SLA: variants seen among roughly 807,000 people sequenced by gnomAD.
SLA encodes Src like adaptor.
SLA carries 16 observed loss-of-function variants against 30.3 expected under a neutral mutation model. The ratio of observed to expected loss-of-function variants is 0.53; its 90% CI spans 0.36 to 0.80. The LOEUF (loss-of-function observed/expected upper bound fraction) is 0.80, where lower values mean the gene tolerates loss of function less well. SLA is among the 30% of genes least tolerant of loss of function. SLA has a pLI of 0.01. For missense variants in SLA, 310 were observed against 345.2 expected (o/e 0.90, Z 0.81); for synonymous variants, 143 against 137.8 (o/e 1.04, Z -0.26).
intron 5 of SLA, among the ~76,000 whole-genome samples, chr8:133,048,240 A>G (rs1459265654): frequency 1.3e-5 from 2 of 151,912 alleles, no homozygotes; most frequent in Non-Finnish European, 2.9e-5. Context: ...TTTTTTTTGG[A>G]AATGGATCCC....
chr8:133,096,607 A>G (rs1848453595), intron 1 of SLA, among the ~76,000 whole-genome samples: 1 of 152,190 alleles, frequency 6.6e-6, no homozygotes, highest in African/African-American at 2.4e-5. Context: ...GCTGTGGAAA[A>G]CTGGAGCTGA....
chr8:133,056,215 C>T (rs907318615), intron 3 of SLA, among the ~76,000 whole-genome samples: 2 of 152,130 alleles, frequency 1.3e-5, no homozygotes, highest in Admixed American at 6.5e-5. Context: ...AATGTGACAT[C>T]GTGGATTTCT....
chr8:133,056,087 G>A (rs970577789), intron 3 of SLA, among the ~76,000 whole-genome samples: 1 of 152,200 alleles, frequency 6.6e-6, no homozygotes, highest in African/African-American at 2.4e-5. Flanking sequence ...GGGCAGGGCA[G>A]GGCATGGCTG....
intron 2 of SLA, among the ~76,000 whole-genome samples, chr8:133,065,215 C>T (rs991249863): frequency 1.3e-5 from 2 of 152,198 alleles, no homozygotes; most frequent in African/African-American, 4.8e-5. Flanking sequence ...CATCCTCTGC[C>T]AGGCACAAAG....
At chr8:133,090,053 A>G (rs557563243) in intron 1 of SLA, 3 of 152,214 alleles carry the variant, frequency 2.0e-5, no homozygotes, top group Non-Finnish European at 4.4e-5. Context: ...TATAGTACAC[A>G]TTTTTAAAAA....
intron 2 of SLA, among the ~76,000 whole-genome samples, chr8:133,068,370 G>A (rs1348462209): frequency 6.6e-6 from 1 of 152,154 alleles, no homozygotes; most frequent in East Asian, 1.9e-4. Flanking sequence ...AGAGAGGCTG[G>A]GCTTTATGCT....
intron 8 of SLA, 76 bp from the exon 9 acceptor site, chr8:133,038,813 G>A: frequency 1.1e-6 from 1 of 913,290 alleles, no homozygotes. Context: ...TAAAGGGCAA[G>A]AGAATGAGAA....
At chr8:133,083,318 A>T (rs1846026770) in intron 1 of SLA, among the ~76,000 whole-genome samples, 1 of 152,228 alleles carries the variant, frequency 6.6e-6, no homozygotes, top group Admixed American at 6.5e-5. Context: ...ATTGATTTTA[A>T]CAATTGCTAC....
At chr8:133,038,980 C>A (rs376939845) in intron 8 of SLA, among the ~76,000 whole-genome samples, 2 of 152,156 alleles carry the variant, frequency 1.3e-5, no homozygotes, top group African/African-American at 4.8e-5. Context: ...CAGGCTCAAG[C>A]GATTCTCCCT....
chr8:133,043,188 T>C (rs1302850140), intron 7 of SLA, among the ~76,000 whole-genome samples: 1 of 152,170 alleles, frequency 6.6e-6, no homozygotes, highest in Non-Finnish European at 1.5e-5. Context: ...AGTGCTGCAC[T>C]GGGGTGAGAT....
At chr8:133,069,073 C>G (rs1411953500) in intron 2 of SLA, among the ~76,000 whole-genome samples, 1 of 152,186 alleles carries the variant, frequency 6.6e-6, no homozygotes, top group Non-Finnish European at 1.5e-5. Flanking sequence ...AGGAAACAGG[C>G]CTTTTCTTTT....
intron 2 of SLA, among the ~76,000 whole-genome samples, chr8:133,070,798 C>G (rs943241376): frequency 3.9e-5 from 6 of 152,212 alleles, no homozygotes; most frequent in Non-Finnish European, 7.3e-5. Flanking sequence ...GGTGTGCACA[C>G]TGGCCCGTGT....
rs1837320391 is a variant in SLA at position 133,037,582 on chromosome 8, C to T, written c.*942G>A. The T allele has an allele frequency of 1.3e-5, 2 of 151,978 alleles. No individual in the cohort carries two copies. The highest frequency in any genetic ancestry group is 4.1e-4 in the South Asian group (2 of 4,824). 9.4% of individuals were successfully genotyped at this position (151,978 alleles called of 1,614,324 possible). On this transcript the variant is annotated 3_prime_UTR_variant, in exon 9 of 9. Coordinates refer to ENST00000338087, the MANE Select transcript of SLA (RefSeq NM_001045556.3). ...TTCTCTTTTTACACATTTGTTTATA[C>T]ATTTTTTCCCTGTCTACACTGTGAA...
chr8:133,081,525 T>A (rs1473235687), intron 1 of SLA, among the ~76,000 whole-genome samples: 1 of 152,060 alleles, frequency 6.6e-6, no homozygotes, highest in Admixed American at 6.6e-5. Flanking sequence ...GGAACCTAAA[T>A]GTGTATGTCA....
At chr8:133,076,682 C>T (rs1844916535) in intron 1 of SLA, 1 of 149,608 alleles carries the variant, frequency 6.7e-6, no homozygotes, top group Non-Finnish European at 1.5e-5. Context: ...ACAGATGAAG[C>T]TCTGAATTTA....
chr8:133,062,205 C>A (rs1194219094), intron 2 of SLA, among the ~76,000 whole-genome samples: 2 of 152,098 alleles, frequency 1.3e-5, no homozygotes, highest in Non-Finnish European at 1.5e-5. Flanking sequence ...TTCATGCTTG[C>A]CCCTACCCTC....
chr8:133,049,591 G>A (rs1394315261), intron 5 of SLA: 7 of 357,930 alleles, frequency 2.0e-5, no homozygotes, highest in African/African-American at 6.2e-5. Context: ...CTGACTTCTA[G>A]TCTCTGCACT....
chr8:133,057,782 A>C (rs886394783), intron 3 of SLA, among the ~76,000 whole-genome samples: 108 of 152,082 alleles, frequency 7.1e-4, no homozygotes, highest in African/African-American at 2.3e-3. Flanking sequence ...AACAAAAAAA[A>C]AAAAACAAAA....
At chr8:133,048,078 G>A (rs544847198) in intron 5 of SLA, 145 bp from the exon 6 acceptor site, 7 of 594,006 alleles carry the variant, frequency 1.2e-5, no homozygotes. Flanking sequence ...CTCTTCCACA[G>A]ATGAGAATAC....
Sources: allele counts gnomAD v4.1 joint callset (sites outside exome capture counted in the v4.1 genomes callset), GRCh38; gene constraint gnomAD v4.1.1; transcripts MANE v1.5; gene names NCBI Gene and HGNC (gene_info 2026-07-23, HGNC 2026-07-21).